The following RABEP1 variants were observed in gnomAD, a reference collection of about 807,000 sequenced individuals.
The protein encoded by RABEP1 is rab GTPase-binding effector protein 1.
RABEP1 carries 51 observed loss-of-function variants against 123.4 expected under a neutral mutation model. The observed-to-expected ratio is 0.41, with a 90% CI of 0.33 to 0.52. The LOEUF (loss-of-function observed/expected upper bound fraction) is 0.52, where lower values mean the gene tolerates loss of function less well. Among genes scored for constraint, RABEP1 ranks in the 20% least tolerant of loss-of-function variants. The probability of loss-of-function intolerance (pLI) is 0.16; values close to 1 mark genes in which losing one functional copy is unlikely to be tolerated. For missense variants in RABEP1, 888 were observed against 996.3 expected, an observed-to-expected ratio of 0.89 and a Z score of 1.46; for synonymous variants, 347 against 355.2, an observed-to-expected ratio of 0.98 and a Z score of 0.26.
intron 1 of RABEP1, 140 bp downstream of exon 1, chr17:5,282,660 G>A (rs983748849): frequency 1.6e-4 from 67 of 428,296 alleles, no homozygotes; most frequent in Middle Eastern, 2.2e-3. Flanking sequence ...GCGGGGGCGC[G>A]CGGGCTGCGG....
intron 13 of RABEP1, 38 bp from the exon 14 acceptor site, chr17:5,377,078 T>C (rs764344934): frequency 6.5e-7 from 1 of 1,539,704 alleles, no homozygotes; most frequent in Non-Finnish European, 8.7e-7. Flanking sequence ...TTCCTTTCAC[T>C]CTCACAAACC....
chr17:5,335,437 TG>T, intron 4 of RABEP1, 93 bp downstream of exon 4: 7 of 1,080,812 alleles, frequency 6.5e-6, no homozygotes, highest in Non-Finnish European at 8.0e-6. Context: ...AGAAGTACTT[TG>T]ATATTTCCTG....
At chr17:5,382,928 C>G (rs939179588) in intron 17 of RABEP1, among the ~76,000 whole-genome samples, 194 bp from the exon 18 acceptor site, 2 of 144,898 alleles carry the variant, frequency 1.4e-5, no homozygotes, top group South Asian at 2.1e-4. Context: ...AACTCTCCCC[C>G]CCAAAAAAAA....
At chr17:5,315,399 G>T (rs1342420710) in intron 2 of RABEP1, among the ~76,000 whole-genome samples, 1 of 152,130 alleles carries the variant, frequency 6.6e-6, no homozygotes, top group Non-Finnish European at 1.5e-5. Flanking sequence ...AAGACAAAGA[G>T]GATGAATTAA....
At chr17:5,369,217 G>A (rs1910338030) in intron 12 of RABEP1, among the ~76,000 whole-genome samples, 1 of 152,178 alleles carries the variant, frequency 6.6e-6, no homozygotes, top group South Asian at 2.1e-4. Flanking sequence ...TGAGAGGGAT[G>A]GGGGCAGAGT....
intron 1 of RABEP1, among the ~76,000 whole-genome samples, chr17:5,282,929 C>T (rs553435690): frequency 1.3e-5 from 2 of 152,114 alleles, no homozygotes; most frequent in South Asian, 4.2e-4. Flanking sequence ...CCCTCCCTGC[C>T]GCCCCAATCC....
intron 17 of RABEP1, 168 bp downstream of exon 17, chr17:5,381,673 T>G: frequency 8.2e-7 from 1 of 1,223,644 alleles, no homozygotes; most frequent in Non-Finnish European, 1.1e-6. Flanking sequence ...CCTGGTGTGT[T>G]CTTCACACTT....
At chr17:5,335,990 A>G (rs1191254550) in intron 4 of RABEP1, among the ~76,000 whole-genome samples, 4 of 152,164 alleles carry the variant, frequency 2.6e-5, no homozygotes, top group Non-Finnish European at 4.4e-5. Context: ...ACCACATATT[A>G]TGTACCACAT....
intron 2 of RABEP1, among the ~76,000 whole-genome samples, chr17:5,312,375 T>G (rs1483975581): frequency 1.3e-5 from 2 of 152,194 alleles, no homozygotes; most frequent in African/African-American, 4.8e-5. Flanking sequence ...GATCTTGAAC[T>G]CCTAACCTCA....
intron 6 of RABEP1, among the ~76,000 whole-genome samples, chr17:5,349,717 G>GC (rs1567537601): frequency 1.4e-5 from 2 of 146,360 alleles, no homozygotes; most frequent in Non-Finnish European, 3.0e-5. Flanking sequence ...ACTGTGAAAA[G>GC]TTTTTTTTTT....
At chr17:5,355,731 G>A (rs1908956845) in intron 8 of RABEP1, among the ~76,000 whole-genome samples, 1 of 152,094 alleles carries the variant, frequency 6.6e-6, no homozygotes, top group Non-Finnish European at 1.5e-5. Context: ...TTATATATAT[G>A]CCCATGCTTA....
Position 5,289,986 on chromosome 17 carries a change from A to G in RABEP1, c.34+7466A>G, listed in dbSNP as rs750891970. ...ATTGCTTTTGAATCTTAAGGGCTCT[A>G]ATTTCTAAAATATCTCCATTTATCA... On this transcript the variant is annotated intron_variant, in intron 1 of 17. Transcript: ENST00000537505. Among the ~76,000 whole-genome samples the G allele has an allele frequency of 6.6e-4, 101 of 152,302 alleles. No individual in the cohort carries two copies. In the Middle Eastern group the frequency reaches 0.01, roughly 15 times the overall value.
intron 1 of RABEP1, among the ~76,000 whole-genome samples, chr17:5,304,862 A>G (rs1363974380): frequency 6.6e-6 from 1 of 152,214 alleles, no homozygotes; most frequent in Non-Finnish European, 1.5e-5. Context: ...TGAGGTTGGA[A>G]GTGACTTCTG....
rs141213181 is a variant in RABEP1, at chr17:5,377,589, C to T, written c.2215+284C>T. On this transcript the variant is annotated intron_variant, in intron 14 of 17. Coordinates refer to ENST00000537505, the MANE Select transcript of RABEP1 (RefSeq NM_004703.6). ...TTGCCCAGGCTGGAGTGCAATGGCG[C>T]GATCTTGGCTCACCGCAACCTCTGC... is the stretch of plus-strand genomic sequence containing the variant. Among the ~76,000 whole-genome samples the T allele has an allele frequency of 5.5e-3, 780 of 142,618 alleles. 10 individuals carry two copies. The highest frequency in any genetic ancestry group is 0.019 in the African/African-American group (732 of 37,656). The allele number at this position is 142,618 out of a possible 152,430, so 93.6% of individuals were successfully genotyped here.
intron 1 of RABEP1, 93 bp from the exon 2 acceptor site, chr17:5,308,601 C>A: frequency 8.9e-7 from 1 of 1,121,176 alleles, no homozygotes; most frequent in South Asian, 1.8e-5. Flanking sequence ...ACTTGTTTCA[C>A]GTATAGCAAT....
chr17:5,368,358 GT>G lies in RABEP1; in HGVS notation c.1786-5del, dbSNP rs551165785. 62 of 1,582,094 alleles carry G rather than the reference GT, an allele frequency of 3.9e-5. No individual in the cohort carries two copies. Among genetic ancestry groups the G allele is most frequent in the Non-Finnish European group, 4.8e-5 (56 of 1,155,740 alleles). On this transcript the variant is annotated splice_polypyrimidine_tract_variant and intron_variant, in intron 11 of 17. Coordinates refer to ENST00000537505, the MANE Select transcript of RABEP1 (RefSeq NM_004703.6). ...TTCCTAACTATGTTTCTATACATGT[GT>G]TTTTTTAAAGATCTCTGCACTCGTC...
chr17:5,305,062 A>G (rs954016245), intron 1 of RABEP1, among the ~76,000 whole-genome samples: 4 of 152,220 alleles, frequency 2.6e-5, no homozygotes, highest in African/African-American at 7.2e-5. Context: ...AAAAAATAAT[A>G]CAGCATTTTG....
intron 3 of RABEP1, among the ~76,000 whole-genome samples, chr17:5,334,332 C>T (rs950595871): frequency 2.6e-5 from 4 of 151,844 alleles, no homozygotes; most frequent in African/African-American, 9.7e-5. Flanking sequence ...CCCGGGTTCA[C>T]GTGATTCTCC....
At chr17:5,367,542 T>C (rs1179720701) in intron 11 of RABEP1, among the ~76,000 whole-genome samples, 2 of 151,768 alleles carry the variant, frequency 1.3e-5, no homozygotes, top group Non-Finnish European at 1.5e-5. Flanking sequence ...GTGCTAGGAT[T>C]ACAGGCGTGA....
Sources: allele counts gnomAD v4.1 joint callset (sites outside exome capture counted in the v4.1 genomes callset), GRCh38; gene constraint gnomAD v4.1.1; transcripts MANE v1.5; gene names NCBI Gene and HGNC (gene_info 2026-07-23, HGNC 2026-07-21).